Variants in STX8 observed in about 807,000 individuals in gnomAD.
STX8 encodes syntaxin-8.
STX8 carries 23 observed loss-of-function variants against 37.5 expected under a neutral mutation model. The ratio of observed to expected loss-of-function variants is 0.61; its 90% CI spans 0.44 to 0.87. The LOEUF is 0.87. Among genes scored for constraint, STX8 ranks in the 40% least tolerant of loss-of-function variants. STX8 has a pLI of 0.00. For missense variants in STX8, 313 were observed against 284.7 expected, an observed-to-expected ratio of 1.10 and a Z score of -0.71; for synonymous variants, 115 against 99.1, an observed-to-expected ratio of 1.16 and a Z score of -0.95.
chr17:9,488,872 G>A (rs1361505639), intron 6 of STX8, among the ~76,000 whole-genome samples: 1 of 139,620 alleles, frequency 7.2e-6, no homozygotes, highest in African/African-American at 3.0e-5. Flanking sequence ...GCTCGGTCAC[G>A]TGTGTGTGTG....
At chr17:9,466,132 G>A (rs914035943) in intron 6 of STX8, among the ~76,000 whole-genome samples, 2 of 152,090 alleles carry the variant, frequency 1.3e-5, no homozygotes, top group East Asian at 1.9e-4. Context: ...CACCACACCC[G>A]GCTAATTTTT....
chr17:9,252,609 C>CAAAAAAAAAA (rs60037652), intron 7 of STX8, among the ~76,000 whole-genome samples: 1 of 94,050 alleles, frequency 1.1e-5, no homozygotes, highest in African/African-American at 4.3e-5. Flanking sequence ...AACTCTGTCT[C>CAAAAAAAAAA]AAAAAAAAAA....
intron 4 of STX8, among the ~76,000 whole-genome samples, chr17:9,523,591 G>A (rs922546226): frequency 3.9e-5 from 6 of 152,114 alleles, no homozygotes; most frequent in African/African-American, 7.2e-5. Flanking sequence ...CAGTCAAGAT[G>A]AGCAATCTAC....
chr17:9,483,553 A>C (rs1771028581), intron 6 of STX8, among the ~76,000 whole-genome samples: 1 of 152,164 alleles, frequency 6.6e-6, no homozygotes, highest in Non-Finnish European at 1.5e-5. Flanking sequence ...CTGTTCTTCT[A>C]AACTTTTAAC....
chr17:9,485,067 C>G (rs1906524868), intron 6 of STX8, among the ~76,000 whole-genome samples: 2 of 152,296 alleles, frequency 1.3e-5, no homozygotes, highest in African/African-American at 4.8e-5. Flanking sequence ...AGCAGGAAGA[C>G]TGCTTAAGCC....
intron 1 of STX8, among the ~76,000 whole-genome samples, chr17:9,571,250 T>G (rs1395593279): frequency 6.6e-6 from 1 of 152,030 alleles, no homozygotes; most frequent in Non-Finnish European, 1.5e-5. Flanking sequence ...CTGAAACAAG[T>G]TGGAATCACT....
intron 6 of STX8, among the ~76,000 whole-genome samples, chr17:9,447,508 G>A (rs911772418): frequency 2.6e-5 from 4 of 152,026 alleles, no homozygotes; most frequent in Admixed American, 6.6e-5. Context: ...CTGCAACCTC[G>A]GCCTCCCGAG....
chr17:9,277,391 G>A (rs534816356), intron 7 of STX8, among the ~76,000 whole-genome samples: 1 of 150,590 alleles, frequency 6.6e-6, no homozygotes, highest in African/African-American at 2.4e-5. Context: ...CAATGAGTGA[G>A]GGCAGGGTCT....
chr17:9,372,889 A>G (rs1253564646), intron 7 of STX8, among the ~76,000 whole-genome samples: 2 of 149,392 alleles, frequency 1.3e-5, no homozygotes, highest in Non-Finnish European at 3.0e-5. Context: ...AGATCACCTG[A>G]GGTCAGGAGA....
intron 6 of STX8, among the ~76,000 whole-genome samples, chr17:9,426,939 ATC>A (rs1484952922): frequency 6.6e-6 from 1 of 152,178 alleles, no homozygotes; most frequent in Non-Finnish European, 1.5e-5. Context: ...TTACCAGTGT[ATC>A]TCTTACTAGT....
intron 6 of STX8, among the ~76,000 whole-genome samples, chr17:9,403,925 A>T (rs889743007): frequency 1.3e-5 from 2 of 152,106 alleles, no homozygotes; most frequent in South Asian, 4.2e-4. Flanking sequence ...GGATTACGGG[A>T]GTGAGCCACC....
chr17:9,548,237 T>C (rs934890387), intron 3 of STX8, among the ~76,000 whole-genome samples: 1 of 152,142 alleles, frequency 6.6e-6, no homozygotes, highest in Non-Finnish European at 1.5e-5. Flanking sequence ...CCCAAGTAGC[T>C]GGGATTACAT....
chr17:9,324,126 T>TCACACA (rs35942102), intron 7 of STX8, among the ~76,000 whole-genome samples: 559 of 135,598 alleles, frequency 4.1e-3, no homozygotes, highest in Non-Finnish European at 6.0e-3. Context: ...TCTCTCTCTC[T>TCACACA]CACACACACA....
intron 6 of STX8, among the ~76,000 whole-genome samples, chr17:9,441,801 A>G (rs982109769): frequency 6.7e-6 from 1 of 148,504 alleles, no homozygotes; most frequent in African/African-American, 2.5e-5. Context: ...TCAGCCTCCC[A>G]AGTAGCTGGG....
intron 6 of STX8, among the ~76,000 whole-genome samples, chr17:9,446,601 G>T (rs1233754883): frequency 1.3e-5 from 2 of 152,150 alleles, no homozygotes; most frequent in African/African-American, 2.4e-5. Flanking sequence ...AGATAGAAAG[G>T]AATAAATAAG....
intron 3 of STX8, among the ~76,000 whole-genome samples, chr17:9,547,063 C>T (rs1440744406): frequency 6.6e-6 from 1 of 151,076 alleles, no homozygotes; most frequent in African/African-American, 2.4e-5. Flanking sequence ...TCCTGGCAAA[C>T]ACGGTAAAAC....
chr17:9,318,827 A>C (rs1258235921), intron 7 of STX8, among the ~76,000 whole-genome samples: 1 of 152,218 alleles, frequency 6.6e-6, no homozygotes, highest in Non-Finnish European at 1.5e-5. Flanking sequence ...ACAAAATGTG[A>C]AAACTGTGAT....
At chr17:9,487,588 A>G (rs1906654164) in intron 6 of STX8, among the ~76,000 whole-genome samples, 1 of 152,168 alleles carries the variant, frequency 6.6e-6, no homozygotes, top group Non-Finnish European at 1.5e-5. Context: ...TTAGAAAACC[A>G]CCAGCATAGC....
intron 7 of STX8, among the ~76,000 whole-genome samples, chr17:9,377,303 CT>C (rs11447990): frequency 1.3e-3 from 185 of 144,714 alleles, no homozygotes; most frequent in Admixed American, 1.1e-3. Context: ...TTTTGTAATT[CT>C]TTTTTTTTTT....
Sources: allele counts gnomAD v4.1 joint callset (sites outside exome capture counted in the v4.1 genomes callset), GRCh38; gene constraint gnomAD v4.1.1; transcripts MANE v1.5; gene names NCBI Gene and HGNC (gene_info 2026-07-23, HGNC 2026-07-21).